LRRC69: variants seen among roughly 807,000 people sequenced by gnomAD.
LRRC69 encodes leucine rich repeat containing 69, also known as leucine-rich repeat-containing protein 69.
LRRC69 carries 42 observed loss-of-function variants against 37.8 expected under a neutral mutation model. The observed-to-expected ratio is 1.11, with a 90% CI of 0.87 to 1.44. LRRC69 has a LOEUF of 1.44. LRRC69 is among the 40% of genes most tolerant of loss of function. The probability of loss-of-function intolerance (pLI) is 0.00; values close to 1 mark genes in which losing one functional copy is unlikely to be tolerated. For synonymous variants in LRRC69, 141 were observed against 143.1 expected (o/e 0.99, Z 0.11); for missense variants, 357 against 401.9 (o/e 0.89, Z 0.96).
rs74401159 is a variant in LRRC69, at chr8:91,148,231, G to A, written c.651+12492G>A. ...ATATCTCCTAATGCTATACCTCCCC[G>A]CTCCCCCCACCCCACATCAGGCCCC... On this transcript the variant is annotated intron_variant, in intron 5 of 7. Transcript: ENST00000448384. Among the ~76,000 whole-genome samples the A allele has an allele frequency of 8.0e-5, 12 of 149,152 alleles. 1 individual carries two copies. The highest frequency in any genetic ancestry group is 7.9e-4 in the East Asian group (4 of 5,032).
chr8:91,182,981 C>T lies in LRRC69; in HGVS notation c.652-6541C>T, dbSNP rs148135164. On this transcript the variant is annotated intron_variant, in intron 5 of 7. Transcript: ENST00000448384. ...GTGACACAAGCTGACAGCTGAAGAA[C>T]GAACAACAATCAGTGAGGTAAAGGG... 1.9e-3 allele frequency among the ~76,000 whole-genome samples: 282 copies of T among 152,082 alleles called. 2 individuals are homozygous for T. Among genetic ancestry groups the T allele is most frequent in the African/African-American group, 6.1e-3 (255 of 41,470 alleles).
In LRRC69 at chr8:91,189,662, A is replaced by G. The variant is rs566128957; in HGVS notation, c.753+39A>G. 22 of 1,325,122 alleles carry G rather than the reference A, an allele frequency of 1.7e-5. No individual in the cohort carries two copies. In the African/African-American group the frequency reaches 3.0e-4, roughly 18 times the overall value. 82.1% of individuals were successfully genotyped at this position (1,325,122 alleles called of 1,614,324 possible). A position where few individuals can be genotyped will look rare whatever the true frequency, so the allele number is the denominator to read the frequency against. On this transcript the variant is annotated intron_variant, in intron 6 of 7. Transcript: ENST00000448384. ...TCATTAACTTAAGTCTTCAAACTAA[A>G]GCCACAATTTAAATTTTAAAGCGTT...
At chr8:91,132,409 A>G in intron 3 of LRRC69, among the ~76,000 whole-genome samples, 1 of 152,014 alleles carries the variant, frequency 6.6e-6, no homozygotes, top group South Asian at 2.1e-4. Flanking sequence ...TTCCTTATTC[A>G]TAATATTTTT....
chr8:91,189,653 T>C, intron 6 of LRRC69, 30 bp downstream of exon 6: 1 of 1,376,380 alleles, frequency 7.3e-7, no homozygotes. Flanking sequence ...ACTTAAGTCT[T>C]CAAACTAAAG....
chr8:91,110,562 CT>C (rs1324922349), intron 1 of LRRC69, among the ~76,000 whole-genome samples: 1 of 151,680 alleles, frequency 6.6e-6, no homozygotes, highest in African/African-American at 2.4e-5. Flanking sequence ...TCACTTGAAC[CT>C]GGGAGGTGGA....
At chr8:91,118,164 T>C (rs1165837815) in intron 1 of LRRC69, 4 of 455,330 alleles carry the variant, frequency 8.8e-6, no homozygotes, top group Non-Finnish European at 1.8e-5. Flanking sequence ...GGGGAAGGTA[T>C]ATAATTGCCC....
intron 5 of LRRC69, among the ~76,000 whole-genome samples, chr8:91,178,091 G>T (rs1258371933): frequency 6.6e-6 from 1 of 152,014 alleles, no homozygotes; most frequent in Non-Finnish European, 1.5e-5. Flanking sequence ...CTTGTGATCC[G>T]CCTGCCTTGG....
chr8:91,162,309 G>T (rs559210527), intron 5 of LRRC69, among the ~76,000 whole-genome samples: 9 of 151,254 alleles, frequency 6.0e-5, no homozygotes, highest in Non-Finnish European at 1.3e-4. Flanking sequence ...TTTCTTCATT[G>T]ATTTTCTGTC....
intron 1 of LRRC69, 95 bp from the exon 2 acceptor site, chr8:91,124,398 G>A: frequency 1.1e-6 from 1 of 918,232 alleles, no homozygotes; most frequent in South Asian, 3.0e-5. Context: ...GTTTTCTTAG[G>A]TTACATAGAT....
chr8:91,122,469 G>C (rs1813643429), intron 1 of LRRC69, among the ~76,000 whole-genome samples: 1 of 151,974 alleles, frequency 6.6e-6, no homozygotes, highest in Admixed American at 6.6e-5. Context: ...TTCACATCTA[G>C]GTATCTCTTT....
At chr8:91,180,226 T>C (rs1239308574) in intron 5 of LRRC69, among the ~76,000 whole-genome samples, 1 of 152,026 alleles carries the variant, frequency 6.6e-6, no homozygotes, top group African/African-American at 2.4e-5. Flanking sequence ...CTCTCATGAG[T>C]TGTAATCAAG....
intron 1 of LRRC69, among the ~76,000 whole-genome samples, chr8:91,123,747 TA>T (rs1266293100): frequency 2.0e-5 from 3 of 151,972 alleles, no homozygotes; most frequent in East Asian, 1.9e-4. Flanking sequence ...TTGGAAAGTA[TA>T]ATTAGATTTT....
chr8:91,148,238 C>T (rs1382739530), intron 5 of LRRC69, among the ~76,000 whole-genome samples: 2 of 150,808 alleles, frequency 1.3e-5, no homozygotes, highest in Non-Finnish European at 3.0e-5. Context: ...CCCGCTCCCC[C>T]CACCCCACAT....
At chr8:91,164,789 AC>A (rs1164358626) in intron 5 of LRRC69, among the ~76,000 whole-genome samples, 1 of 151,670 alleles carries the variant, frequency 6.6e-6, no homozygotes, top group Non-Finnish European at 1.5e-5. Flanking sequence ...TGAAACTCAA[AC>A]CTAGGTTGCT....
chr8:91,144,732 G>T (rs1808587455), intron 5 of LRRC69, among the ~76,000 whole-genome samples: 1 of 151,906 alleles, frequency 6.6e-6, no homozygotes, highest in African/African-American at 2.4e-5. Flanking sequence ...GGTGTCCTTG[G>T]TTCCAGACAC....
intron 1 of LRRC69, among the ~76,000 whole-genome samples, chr8:91,108,598 G>A (rs1462206185): frequency 6.6e-6 from 1 of 152,020 alleles, no homozygotes; most frequent in Non-Finnish European, 1.5e-5. Flanking sequence ...GTGAAAACGT[G>A]CAACTGAGTT....
exon 7 of LRRC69, chr8:91,200,724 T>C: frequency 1.9e-6 from 3 of 1,538,760 alleles, no homozygotes; most frequent in Middle Eastern, 1.7e-4. Context: ...GGGAAAAACA[T>C]GTGCAATATG....
At chr8:91,195,264 G>C (rs1302733712) in intron 6 of LRRC69, among the ~76,000 whole-genome samples, 3 of 151,806 alleles carry the variant, frequency 2.0e-5, no homozygotes, top group Non-Finnish European at 2.9e-5. Context: ...TTACTTCCAA[G>C]TGTGTGGTCA....
At chr8:91,167,312 G>A (rs1809047222) in intron 5 of LRRC69, among the ~76,000 whole-genome samples, 1 of 151,726 alleles carries the variant, frequency 6.6e-6, no homozygotes, top group Non-Finnish European at 1.5e-5. Context: ...AGGGAAGGGA[G>A]AACTTGTGCA....
Sources: gnomAD v4.1 joint callset for allele counts (sites outside exome capture counted in the v4.1 genomes callset) on GRCh38, gnomAD v4.1.1 for gene constraint, MANE v1.5 for transcripts, NCBI Gene and HGNC (gene_info 2026-07-23, HGNC 2026-07-21) for gene names.